Variants in ALLC observed in about 807,000 individuals in gnomAD.
ALLC encodes the protein allantoicase.
A neutral mutation model predicts 45.0 loss-of-function variants in ALLC; 40 were observed. The ratio of observed to expected loss-of-function variants is 0.89; its 90% CI spans 0.69 to 1.16. ALLC has a LOEUF of 1.16. Among genes scored for constraint, ALLC ranks in the 50% most tolerant of loss-of-function variants. The pLI is 0.00. For synonymous variants in ALLC, 176 were observed against 178.1 expected, an observed-to-expected ratio of 0.99 and a Z score of 0.09; for missense variants, 488 against 493.1, an observed-to-expected ratio of 0.99 and a Z score of 0.10.
chr2:3,678,987 C>A (rs1667102355), intron 4 of ALLC, among the ~76,000 whole-genome samples: 2 of 152,200 alleles, frequency 1.3e-5, no homozygotes, highest in South Asian at 2.1e-4. Context: ...AAGCTGGGGA[C>A]TGGGCCAGGG....
intron 7 of ALLC, 31 bp from the exon 8 acceptor site, chr2:3,695,686 A>G: frequency 6.2e-7 from 1 of 1,613,726 alleles, no homozygotes; most frequent in Non-Finnish European, 8.5e-7. Flanking sequence ...CCATTTTTAC[A>G]AACAATAACT....
In ALLC at chr2:3,683,063, A is replaced by G. The variant is rs374582443; in HGVS notation, c.500A>G (p.Asn167Ser). Residue 167 changes from asparagine to serine, a missense_variant, in exon 7 of 12, where the codon AAC becomes AGC. Coordinates refer to ENST00000252505, the MANE Select transcript of ALLC (RefSeq NM_018436.4). Reference sequence around the variant, plus strand: ...CAGAGATGGACTCATATCAGACTCAACATTTTCCCAGGTAATCGTGACATG... The same window carrying G: ...CAGAGATGGACTCATATCAGACTCAGCATTTTCCCAGGTAATCGTGACATG... ...SQQRWTHIRLNIFPDGGIARL... is the reference protein window; with the variant it reads ...SQQRWTHIRLSIFPDGGIARL... The G allele has an allele frequency of 2.0e-4, 325 of 1,613,376 alleles. No homozygotes were observed. The highest frequency in any genetic ancestry group is 2.7e-4 in the Non-Finnish European group (313 of 1,179,780).
chr2:3,659,323 C>A (rs1422988448), intron 1 of ALLC, among the ~76,000 whole-genome samples: 1 of 152,174 alleles, frequency 6.6e-6, no homozygotes, highest in Non-Finnish European at 1.5e-5. Context: ...CACTTGACTG[C>A]CTGAAATTTC....
Position 3,683,020 on chromosome 2 carries a change from T to C in ALLC, c.457T>C (p.Phe153Leu). Residue 153 changes from phenylalanine (F) to leucine (L), a missense_variant, in exon 7 of 12, where the codon TTT (phenylalanine) becomes CTT (leucine). Transcript: ENST00000252505. Reference protein sequence around the residue: ...PGNPASGHNYFLVNSQQRWTH... With the variant: ...PGNPASGHNYLLVNSQQRWTH... ...AAACCCTGCTTCCGGCCACAACTAT[T>C]TTCTTGTCAATTCCCAGCAGAGATG... 6.2e-7 allele frequency: 1 copy of C among 1,614,008 alleles called. No homozygotes were observed. Among genetic ancestry groups the C allele is most frequent in the South Asian group, 1.1e-5 (1 of 91,080 alleles).
At chr2:3,693,422 GA>G (rs1429415554) in intron 7 of ALLC, among the ~76,000 whole-genome samples, 1 of 152,248 alleles carries the variant, frequency 6.6e-6, no homozygotes, top group East Asian at 1.9e-4. Flanking sequence ...GCAAGAAAAT[GA>G]ATGAGCAAAG....
At chr2:3,691,105 A>T (rs1051275186) in intron 7 of ALLC, among the ~76,000 whole-genome samples, 5 of 151,746 alleles carry the variant, frequency 3.3e-5, no homozygotes, top group Non-Finnish European at 7.4e-5. Flanking sequence ...GGATGGCAGT[A>T]TTTTTTTCTT....
chr2:3,648,198 TCCC>T, the ALLC span, among the ~76,000 whole-genome samples: 5 of 152,226 alleles, frequency 3.3e-5, no homozygotes, highest in African/African-American at 1.2e-4. Context: ...TTTCCATTTC[TCCC>T]CCCATTAAGG....
At position 3,682,985 on chromosome 2, in the gene ALLC, T is replaced by A. The variant is rs775844908; in HGVS notation, c.422T>A (p.Leu141His). The A allele has an allele frequency of 6.2e-7, 1 of 1,614,008 alleles. No homozygotes were observed. Among genetic ancestry groups the A allele is most frequent in the South Asian group, 1.1e-5 (1 of 91,090 alleles). ...AGTTACTTGGTTCCCATGACTGAGC[T>A]TAAGCCAGGAAACCCTGCTTCCGGC... ...DWSYLVPMTE[L>H]KPGNPASGHN... The change falls in exon 7 of 12, where the codon CTT (leucine) becomes CAT (histidine). Residue 141 changes from leucine to histidine, a missense_variant. By Grantham distance (99) the Leu-to-His change is moderately conservative. Transcript: ENST00000252505.
intron 1 of ALLC, among the ~76,000 whole-genome samples, chr2:3,668,095 T>A (rs1666774770): frequency 6.6e-6 from 1 of 152,162 alleles, no homozygotes; most frequent in Non-Finnish European, 1.5e-5. Context: ...AGCAGTGACA[T>A]GTATGCTCAT....
intron 3 of ALLC, among the ~76,000 whole-genome samples, chr2:3,677,367 C>T (rs1424623991): frequency 6.6e-6 from 1 of 152,156 alleles, no homozygotes; most frequent in African/African-American, 2.4e-5. Flanking sequence ...GGGTTCAGAG[C>T]AGAGTTTTGC....
chr2:3,669,812 G>A (rs1351795600), intron 1 of ALLC, among the ~76,000 whole-genome samples: 1 of 152,232 alleles, frequency 6.6e-6, no homozygotes, highest in East Asian at 1.9e-4. Context: ...GTGGGAGGCT[G>A]CGATGGGGCA....
intron 7 of ALLC, among the ~76,000 whole-genome samples, chr2:3,684,368 TG>T (rs771736765): frequency 6.6e-6 from 1 of 152,212 alleles, no homozygotes; most frequent in Non-Finnish European, 1.5e-5. Context: ...ATATGTTTAT[TG>T]GCCATTTGTA....
chr2:3,675,077 T>C (rs1243954022), intron 3 of ALLC, among the ~76,000 whole-genome samples: 1 of 152,108 alleles, frequency 6.6e-6, no homozygotes, highest in East Asian at 1.9e-4. Context: ...CTCTTCCAGA[T>C]ATGGACTATT....
rs957616496 is a variant in ALLC at position 3,680,459 on chromosome 2, A to G, written c.298+465A>G. 2.6e-5 allele frequency among the ~76,000 whole-genome samples: 4 copies of G among 152,204 alleles called. No individual in the cohort carries two copies. In the East Asian group the frequency reaches 7.7e-4, roughly 29 times the overall value. On this transcript the variant is annotated intron_variant, in intron 5 of 11. Coordinates refer to ENST00000252505, the MANE Select transcript of ALLC (RefSeq NM_018436.4). This position sits in a 1 kb window ranked among gnomAD's most constrained non-coding sequence, Gnocchi z 4.0. ...CAAGGGTTCCTATCTGCATCTTGGA[A>G]TGCTGGACCTATGAATCCTGCAGGC... is the stretch of plus-strand genomic sequence containing the variant.
chr2:3,662,345 T>C (rs1207790057), intron 1 of ALLC, among the ~76,000 whole-genome samples: 1 of 152,214 alleles, frequency 6.6e-6, no homozygotes, highest in Non-Finnish European at 1.5e-5. Context: ...CACACCCTGC[T>C]CACCCAGGGT....
At chr2:3,646,295 A>G in the ALLC span, among the ~76,000 whole-genome samples, 2 of 152,230 alleles carry the variant, frequency 1.3e-5, no homozygotes, top group Admixed American at 6.5e-5. Flanking sequence ...ATACTGGTGC[A>G]GAAATGCCAA....
At chr2:3,671,798 G>C (rs1666881136) in intron 2 of ALLC, among the ~76,000 whole-genome samples, 1 of 144,322 alleles carries the variant, frequency 6.9e-6, no homozygotes, top group South Asian at 2.2e-4. Flanking sequence ...AGGTCCTCTG[G>C]CTCTGGTTAG....
At chr2:3,695,593 C>A in intron 7 of ALLC, 124 bp from the exon 8 acceptor site, 1 of 1,033,926 alleles carries the variant, frequency 9.7e-7, no homozygotes, top group Non-Finnish European at 1.4e-6. Flanking sequence ...ATTTGAGAAA[C>A]AGCAGGTGGG....
At chr2:3,667,585 A>G (rs1212241279) in intron 1 of ALLC, among the ~76,000 whole-genome samples, 1 of 152,198 alleles carries the variant, frequency 6.6e-6, no homozygotes, top group Admixed American at 6.5e-5. Flanking sequence ...GTAGCATGTG[A>G]ATGATACCAA....
Sources: allele counts gnomAD v4.1 joint callset (sites outside exome capture counted in the v4.1 genomes callset), GRCh38; gene constraint gnomAD v4.1.1; non-coding constraint Gnocchi (gnomAD v3.1); transcripts MANE v1.5; gene names NCBI Gene and HGNC (gene_info 2026-07-23, HGNC 2026-07-21).